Variants in LOC128462377 observed in about 807,000 individuals in gnomAD.
the LOC128462377 span, among the ~76,000 whole-genome samples, chr16:89,397,263 T>C: frequency 1.1e-4 from 17 of 152,108 alleles, no homozygotes; most frequent in Non-Finnish European, 1.6e-4. Context: ...GGCATCCACC[T>C]CCAGGACAGA....
the LOC128462377 span, among the ~76,000 whole-genome samples, chr16:89,334,542 T>A: frequency 6.6e-6 from 1 of 152,044 alleles, no homozygotes. Context: ...CCCACCCATG[T>A]GGGCAGTGGG....
the LOC128462377 span, among the ~76,000 whole-genome samples, chr16:89,349,488 C>CA: frequency 6.6e-6 from 1 of 151,988 alleles, no homozygotes; most frequent in Non-Finnish European, 1.5e-5. Context: ...CAAAAAAGAC[C>CA]AAAAATAGAC....
chr16:89,406,252 C>T, the LOC128462377 span, among the ~76,000 whole-genome samples: 69 of 152,228 alleles, frequency 4.5e-4, no homozygotes, highest in South Asian at 1.0e-3. Flanking sequence ...AGAGTCGGCA[C>T]CCACACGTGC....
the LOC128462377 span, among the ~76,000 whole-genome samples, chr16:89,375,499 GC>G: frequency 1.3e-5 from 2 of 151,336 alleles, no homozygotes; most frequent in African/African-American, 4.9e-5. Context: ...CACTCTTGTC[GC>G]CCGGGCTGGA....
chr16:89,326,819 C>T, the LOC128462377 span, among the ~76,000 whole-genome samples: 4 of 152,232 alleles, frequency 2.6e-5, no homozygotes, highest in African/African-American at 9.6e-5. Flanking sequence ...TGCCCCAAAG[C>T]ATCTCCTAAG....
chr16:89,410,636 C>T, the LOC128462377 span, among the ~76,000 whole-genome samples: 1 of 152,210 alleles, frequency 6.6e-6, no homozygotes, highest in Non-Finnish European at 1.5e-5. Context: ...GTGCTGACAC[C>T]ATCAGATATG....
the LOC128462377 span, among the ~76,000 whole-genome samples, chr16:89,371,364 T>C: frequency 6.6e-6 from 1 of 152,160 alleles, no homozygotes. Flanking sequence ...ATTCTACCAT[T>C]TGGTGTCGTT....
the LOC128462377 span, among the ~76,000 whole-genome samples, chr16:89,342,035 C>CACGGCGGGAGTGCTGCACCTCCTCCACGA: frequency 2.4e-5 from 1 of 42,320 alleles, no homozygotes; most frequent in African/African-American, 6.8e-5. Context: ...CTCCACTGCC[C>CACGGCGGGAGTGCTGCACCTCCTCCACGA]ACAGCGGCCA....
chr16:89,340,344 C>T, the LOC128462377 span, among the ~76,000 whole-genome samples: 1 of 152,262 alleles, frequency 6.6e-6, no homozygotes, highest in Non-Finnish European at 1.5e-5. Context: ...GTGGCACCAT[C>T]TCGGCTCACT....
At chr16:89,355,626 G>T in the LOC128462377 span, among the ~76,000 whole-genome samples, 1 of 152,116 alleles carries the variant, frequency 6.6e-6, no homozygotes, top group Non-Finnish European at 1.5e-5. Context: ...AGTATCGCCA[G>T]GATCAAAAGA....
At chr16:89,317,107 G>GA in the LOC128462377 span, 1 of 1,409,798 alleles carries the variant, frequency 7.1e-7, no homozygotes, top group Non-Finnish European at 9.8e-7. Context: ...ACAATTCACT[G>GA]AATTCAGAGG....
chr16:89,323,209 C>G, the LOC128462377 span: 2 of 884,056 alleles, frequency 2.3e-6, no homozygotes, highest in Middle Eastern at 5.2e-4. Context: ...AAGTCTCCAA[C>G]GGACTGAGCG....
chr16:89,411,134 A>C, the LOC128462377 span, among the ~76,000 whole-genome samples: 3 of 152,272 alleles, frequency 2.0e-5, no homozygotes, highest in South Asian at 4.1e-4. Flanking sequence ...AGAAGGCAGC[A>C]GCACAGGGGC....
At chr16:89,395,226 T>C in the LOC128462377 span, among the ~76,000 whole-genome samples, 1 of 152,178 alleles carries the variant, frequency 6.6e-6, no homozygotes, top group African/African-American at 2.4e-5. Flanking sequence ...CAGAAAGAAT[T>C]ATGCAAGCCA....
the LOC128462377 span, among the ~76,000 whole-genome samples, chr16:89,334,311 C>T: frequency 6.6e-6 from 1 of 152,004 alleles, no homozygotes; most frequent in African/African-American, 2.4e-5. Flanking sequence ...GAGTGTACTG[C>T]CAATACGGCC....
chr16:89,339,118 G>GTAAT, the LOC128462377 span, among the ~76,000 whole-genome samples: 1 of 152,174 alleles, frequency 6.6e-6, no homozygotes, highest in Non-Finnish European at 1.5e-5. Context: ...CAGGATCCCT[G>GTAAT]TAATTATAGG....
chr16:89,407,242 C>T, the LOC128462377 span, among the ~76,000 whole-genome samples: 1 of 150,620 alleles, frequency 6.6e-6, no homozygotes, highest in Non-Finnish European at 1.5e-5. Context: ...AGAAGGCACA[C>T]GAGGAACATC....
chr16:89,355,262 A>G, the LOC128462377 span, among the ~76,000 whole-genome samples: 1 of 150,216 alleles, frequency 6.7e-6, no homozygotes, highest in South Asian at 2.1e-4. Context: ...GAGGCTCGGA[A>G]GGCGGGCAGA....
At chr16:89,403,786 A>G in the LOC128462377 span, 2 of 152,164 alleles carry the variant, frequency 1.3e-5, no homozygotes. Context: ...TAAAAAAATT[A>G]GGCGGGTGTG....
Sources: gnomAD v4.1 joint callset for allele counts (sites outside exome capture counted in the v4.1 genomes callset) on GRCh38, gnomAD v4.1.1 for gene constraint, MANE v1.5 for transcripts.